CUX2: variants seen among roughly 807,000 people sequenced by gnomAD.
The protein encoded by CUX2 is cut like homeobox 2.
In CUX2, 40 loss-of-function variants were observed where a neutral mutation model predicts 144.8. The observed-to-expected ratio is 0.28, with a 90% CI of 0.21 to 0.36. The LOEUF is 0.36. Ranked by LOEUF, CUX2 falls within the 10% of genes least tolerant of loss-of-function variation. CUX2 has a pLI of 1.00. For synonymous variants in CUX2, 827 were observed against 875.6 expected (o/e 0.94, Z 0.98); for missense variants, 1,615 against 1,994.0 (o/e 0.81, Z 3.62).
chr12:111,298,557 C>A lies in CUX2; in HGVS notation c.721C>A (p.Leu241Met). Residue 241 changes from leucine to methionine, a missense_variant, in exon 9 of 22, where the codon CTG becomes ATG. Physicochemically the swap from Leu to Met is conservative, Grantham distance 15 (BLOSUM62 2). Transcript: ENST00000261726. Reference protein sequence around the residue: ...EAASKADEVGLIMTNLEKANQ... With the variant: ...EAASKADEVGMIMTNLEKANQ... ...GTGTCTCAGGGCAGATGAAGTCGGCCTGATCATGACCAACCTGGAGAAAGC... is the reference window on the plus strand; with the variant it reads ...GTGTCTCAGGGCAGATGAAGTCGGCATGATCATGACCAACCTGGAGAAAGC... 1 of 1,580,154 alleles carries A rather than the reference C, an allele frequency of 6.3e-7. No individual in the cohort carries two copies. Among genetic ancestry groups the A allele is most frequent in the Non-Finnish European group, 8.6e-7 (1 of 1,162,230 alleles).
rs567192320 is a variant in CUX2, at chr12:111,138,144, G to T, written c.64-76056G>T. On this transcript the variant is annotated intron_variant, in intron 1 of 21. Coordinates refer to ENST00000261726, the MANE Select transcript of CUX2 (RefSeq NM_015267.4). ...ACTGCCAGGCTGGCCGAGGGGAGGG[G>T]CTTGGCATGAGGACCAGCAGATGCC... Among the ~76,000 whole-genome samples, 700 of 152,308 alleles carry T rather than the reference G, an allele frequency of 4.6e-3. 6 individuals are homozygous for T. Among genetic ancestry groups the T allele is most frequent in the African/African-American group, 0.016 (668 of 41,546 alleles).
intron 1 of CUX2, among the ~76,000 whole-genome samples, chr12:111,044,411 C>T (rs1443626448): frequency 6.6e-6 from 1 of 151,866 alleles, no homozygotes; most frequent in East Asian, 1.9e-4. Context: ...TTATTCAAGC[C>T]CCTGTGGCCT....
In CUX2 at chr12:111,275,452, C is replaced by T. The variant is rs182201550; in HGVS notation, c.301+11613C>T. Among the ~76,000 whole-genome samples, 174 of 152,252 alleles carry T rather than the reference C, an allele frequency of 1.1e-3. 2 individuals carry two copies. Among genetic ancestry groups the T allele is most frequent in the African/African-American group, 3.9e-3 (163 of 41,546 alleles). On this transcript the variant is annotated intron_variant, in intron 4 of 21. Transcript: ENST00000261726. ...TAGGGAAATGAAGTCCCGCTCACAC[C>T]CCTGCGTGGGGCTGGCAGCTCTGGG...
intron 3 of CUX2, among the ~76,000 whole-genome samples, chr12:111,247,824 T>A (rs1462898062): frequency 6.6e-6 from 1 of 152,194 alleles, no homozygotes; most frequent in East Asian, 1.9e-4. Flanking sequence ...CACAACCCTT[T>A]GGCCAGAAAT....
chr12:111,201,238 G>A (rs949719556), intron 1 of CUX2, among the ~76,000 whole-genome samples: 6 of 152,134 alleles, frequency 3.9e-5, no homozygotes, highest in Non-Finnish European at 8.8e-5. Context: ...TCCGCTGGTA[G>A]CAGGGGATGG....
At chr12:111,232,529 G>C (rs986772758) in intron 3 of CUX2, among the ~76,000 whole-genome samples, 1 of 152,078 alleles carries the variant, frequency 6.6e-6, no homozygotes, top group Admixed American at 6.6e-5. Context: ...ATAAATAAAA[G>C]TATACAGGAG....
intron 4 of CUX2, among the ~76,000 whole-genome samples, chr12:111,265,313 T>A (rs748051737): frequency 6.9e-4 from 44 of 64,144 alleles, no homozygotes; most frequent in Admixed American, 1.1e-3. Flanking sequence ...ATTTTATTTT[T>A]ATTTTATTTT....
At chr12:111,113,976 T>C (rs770984911) in intron 1 of CUX2, among the ~76,000 whole-genome samples, 2 of 152,268 alleles carry the variant, frequency 1.3e-5, no homozygotes, top group African/African-American at 2.4e-5. Flanking sequence ...ACAGTTTGTT[T>C]ATTCATTGAC....
intron 1 of CUX2, among the ~76,000 whole-genome samples, chr12:111,069,568 G>A (rs899836960): frequency 6.6e-6 from 1 of 151,942 alleles, no homozygotes; most frequent in Non-Finnish European, 1.5e-5. Context: ...GCGTGTGTGT[G>A]TGTTATTTTC....
At chr12:111,092,118 T>A (rs1872591328) in intron 1 of CUX2, among the ~76,000 whole-genome samples, 1 of 152,352 alleles carries the variant, frequency 6.6e-6, no homozygotes, top group African/African-American at 2.4e-5. Context: ...GGTACCACAA[T>A]TCAACCCAAT....
chr12:111,142,083 CA>C (rs973934792), intron 1 of CUX2, among the ~76,000 whole-genome samples: 9 of 151,282 alleles, frequency 5.9e-5, no homozygotes, highest in Non-Finnish European at 7.4e-5. Context: ...GACTCCATCT[CA>C]AAAAAAAGGG....
At chr12:111,217,832 G>A (rs578259772) in intron 2 of CUX2, 58 bp from the exon 3 acceptor site, 1 of 1,573,704 alleles carries the variant, frequency 6.4e-7, no homozygotes, top group African/African-American at 1.3e-5. Context: ...TACAAGCAGG[G>A]GCCACGGGGG....
At chr12:111,132,411 C>A (rs1592925492) in intron 1 of CUX2, among the ~76,000 whole-genome samples, 2 of 152,208 alleles carry the variant, frequency 1.3e-5, no homozygotes, top group East Asian at 3.9e-4. Flanking sequence ...AAGACATTTT[C>A]CCCCATGGGC....
chr12:111,199,825 CTGTG>C (rs1315104041), intron 1 of CUX2, among the ~76,000 whole-genome samples: 2 of 150,902 alleles, frequency 1.3e-5, no homozygotes, highest in African/African-American at 4.9e-5. Flanking sequence ...CTCTGTGTGT[CTGTG>C]TGTATGTATG....
intron 4 of CUX2, among the ~76,000 whole-genome samples, chr12:111,273,560 T>A (rs563990473): frequency 6.6e-6 from 1 of 152,312 alleles, no homozygotes; most frequent in African/African-American, 2.4e-5. Context: ...TTAAAGGGTC[T>A]TTGCTGCCAG....
At chr12:111,093,088 C>G (rs1428049913) in intron 1 of CUX2, among the ~76,000 whole-genome samples, 1 of 152,148 alleles carries the variant, frequency 6.6e-6, no homozygotes, top group Non-Finnish European at 1.5e-5. Context: ...AGTGCTGGGA[C>G]TGCAAGCATG....
intron 16 of CUX2, among the ~76,000 whole-genome samples, chr12:111,318,305 G>C (rs1283140874): frequency 2.8e-5 from 4 of 142,192 alleles, no homozygotes; most frequent in African/African-American, 5.5e-5. Context: ...GCCTAGGCTG[G>C]TCTTGAGCTC....
At chr12:111,252,686 T>C (rs951127053) in intron 3 of CUX2, among the ~76,000 whole-genome samples, 5 of 151,828 alleles carry the variant, frequency 3.3e-5, no homozygotes, top group African/African-American at 9.7e-5. Flanking sequence ...TCAGTCAGTG[T>C]TGGTTTATTG....
chr12:111,269,874 C>A (rs900191240), intron 4 of CUX2, among the ~76,000 whole-genome samples: 1 of 152,248 alleles, frequency 6.6e-6, no homozygotes, highest in Non-Finnish European at 1.5e-5. Flanking sequence ...CAACTCTCCT[C>A]CCCAGAAATG....
Sources: allele counts gnomAD v4.1 joint callset (sites outside exome capture counted in the v4.1 genomes callset), GRCh38; gene constraint gnomAD v4.1.1; transcripts MANE v1.5; gene names NCBI Gene and HGNC (gene_info 2026-07-23, HGNC 2026-07-21).